MAP2K6: variants seen among roughly 807,000 people sequenced by gnomAD.
MAP2K6 encodes dual specificity mitogen-activated protein kinase kinase 6.
In MAP2K6, 16 loss-of-function variants were observed where a neutral mutation model predicts 53.7. That is an observed-to-expected ratio of 0.30 (90% confidence interval 0.20 to 0.45). MAP2K6 has a LOEUF of 0.45. Ranked by LOEUF, MAP2K6 falls within the 20% of genes least tolerant of loss-of-function variation. MAP2K6 has a pLI of 1.00. For missense variants in MAP2K6, 204 were observed against 411.9 expected (o/e 0.50, Z 4.37); for synonymous variants, 132 against 143.1 (o/e 0.92, Z 0.55).
chr17:69,539,437 C>T (rs1211982770), intron 11 of MAP2K6, among the ~76,000 whole-genome samples: 2 of 152,132 alleles, frequency 1.3e-5, no homozygotes, highest in Non-Finnish European at 2.9e-5. Flanking sequence ...TAATCCATTG[C>T]TTATAGGAGG....
intron 1 of MAP2K6, among the ~76,000 whole-genome samples, chr17:69,474,754 T>C (rs1023784890): frequency 2.6e-5 from 4 of 152,222 alleles, no homozygotes; most frequent in African/African-American, 7.2e-5. Flanking sequence ...CAAGAGCACA[T>C]TGAAACTGAC....
rs759661385 is a variant in MAP2K6, at chr17:69,541,770, T to C, written c.*17T>C. On this transcript the variant is annotated 3_prime_UTR_variant, in exon 12 of 12. Transcript: ENST00000590474. ...GGAGACTAAAAAGCAGTGGACTTAA[T>C]CGGTTGACCCTACTGTGGATTGGTG... 5 of 1,603,156 alleles carry C rather than the reference T, an allele frequency of 3.1e-6. No individual in the cohort carries two copies. In the Admixed American group the frequency reaches 8.4e-5, roughly 27 times the overall value.
At chr17:69,496,235 T>G (rs1321221030) in intron 1 of MAP2K6, among the ~76,000 whole-genome samples, 11 of 152,034 alleles carry the variant, frequency 7.2e-5, no homozygotes, top group Admixed American at 7.2e-4. Context: ...CTTCACCGAT[T>G]CTTCGAAATG....
chr17:69,431,136 T>G (rs1350529013), intron 1 of MAP2K6, among the ~76,000 whole-genome samples: 1 of 152,206 alleles, frequency 6.6e-6, no homozygotes, highest in African/African-American at 2.4e-5. Context: ...AATATTTATC[T>G]TCTTTTTACA....
chr17:69,488,164 C>T (rs749603128), intron 1 of MAP2K6, among the ~76,000 whole-genome samples: 2 of 152,060 alleles, frequency 1.3e-5, no homozygotes, highest in Non-Finnish European at 2.9e-5. Context: ...AGACACTTCT[C>T]AAAAGAAGAC....
At chr17:69,499,586 A>G (rs771263396) in intron 1 of MAP2K6, among the ~76,000 whole-genome samples, 1 of 152,206 alleles carries the variant, frequency 6.6e-6, no homozygotes, top group Non-Finnish European at 1.5e-5. Flanking sequence ...TGTTTTTTGA[A>G]GAGCTCTGTA....
At chr17:69,424,658 G>T (rs1476366392) in intron 1 of MAP2K6, among the ~76,000 whole-genome samples, 1 of 152,206 alleles carries the variant, frequency 6.6e-6, no homozygotes, top group East Asian at 1.9e-4. Context: ...CCAAAGACAT[G>T]GTCGAAGAAT....
intron 1 of MAP2K6, among the ~76,000 whole-genome samples, chr17:69,459,126 T>C (rs1326721514): frequency 6.6e-6 from 1 of 152,234 alleles, no homozygotes; most frequent in East Asian, 1.9e-4. Context: ...AAAGTTTTTA[T>C]ACTTAAAAAC....
chr17:69,516,405 G>T (rs1362883254), intron 2 of MAP2K6, among the ~76,000 whole-genome samples: 3 of 152,178 alleles, frequency 2.0e-5, no homozygotes, highest in Non-Finnish European at 4.4e-5. Flanking sequence ...GCGATGGGGA[G>T]CTACTGTAAG....
intron 1 of MAP2K6, among the ~76,000 whole-genome samples, chr17:69,461,535 G>C (rs1907622583): frequency 6.6e-6 from 1 of 152,178 alleles, no homozygotes; most frequent in Non-Finnish European, 1.5e-5. Context: ...TTGTTTAGGG[G>C]CATGTTTTCC....
chr17:69,428,869 T>G (rs1042525918), intron 1 of MAP2K6, among the ~76,000 whole-genome samples: 1 of 151,350 alleles, frequency 6.6e-6, no homozygotes, highest in African/African-American at 2.4e-5. Flanking sequence ...TTTTTGTTTT[T>G]TTTTTTTTTA....
chr17:69,456,068 C>T (rs1013007417), intron 1 of MAP2K6, among the ~76,000 whole-genome samples: 1 of 152,030 alleles, frequency 6.6e-6, no homozygotes, highest in Non-Finnish European at 1.5e-5. Context: ...ACCATGTTGG[C>T]CAGGCTGGTC....
rs532722769 is a variant in MAP2K6, at chr17:69,527,385, A to G, written c.881+676A>G. Among the ~76,000 whole-genome samples, 200 of 152,304 alleles carry G rather than the reference A, an allele frequency of 1.3e-3. 1 individual carries two copies. The highest frequency in any genetic ancestry group is 4.7e-3 in the African/African-American group (194 of 41,558). On this transcript the variant is annotated intron_variant, in intron 10 of 11. Coordinates refer to ENST00000590474, the MANE Select transcript of MAP2K6 (RefSeq NM_002758.4). ...GCTGAAGTTCTGGGAAGGGAATCCA[A>G]AGGAAGTTGGGGTGGAAAGTGGGAG... is the stretch of plus-strand genomic sequence containing the variant.
chr17:69,518,384 T>G (rs1910285645), intron 4 of MAP2K6, among the ~76,000 whole-genome samples: 1 of 152,188 alleles, frequency 6.6e-6, no homozygotes, highest in East Asian at 1.9e-4. Flanking sequence ...ATTCTATATT[T>G]TGTTGCTTTT....
At chr17:69,515,787 C>T (rs2716209) in intron 2 of MAP2K6, among the ~76,000 whole-genome samples, 1 of 152,014 alleles carries the variant, frequency 6.6e-6, no homozygotes, top group Non-Finnish European at 1.5e-5. Flanking sequence ...GGGCTGGGAG[C>T]AGTCACTTTA....
chr17:69,533,113 G>T (rs186628394), intron 10 of MAP2K6, among the ~76,000 whole-genome samples: 1 of 151,996 alleles, frequency 6.6e-6, no homozygotes, highest in Non-Finnish European at 1.5e-5. Flanking sequence ...ATTTTTAGTA[G>T]AGTCGGGGTT....
chr17:69,537,413 A>G (rs532236674), intron 11 of MAP2K6, among the ~76,000 whole-genome samples: 1 of 152,358 alleles, frequency 6.6e-6, no homozygotes, highest in South Asian at 2.1e-4. Flanking sequence ...GTTATTCATC[A>G]GGCATTAAAT....
chr17:69,549,797 G>T lies in MAP2K6; in HGVS notation c.*8044G>T, dbSNP rs1025634268. 6.6e-6 allele frequency: 1 copy of T among 152,144 alleles called. No homozygotes were observed. The highest frequency in any genetic ancestry group is 1.5e-5 in the Non-Finnish European group (1 of 68,036). 9.4% of individuals were successfully genotyped at this position (152,144 alleles called of 1,614,324 possible). A position where few individuals can be genotyped will look rare whatever the true frequency, so the allele number is the denominator to read the frequency against. Reference sequence around the variant, plus strand: ...GGTCACTATCAATATTTGTGTTGGAGTCTGCAAGATATTTCAACAAAGTAA... The same window carrying T: ...GGTCACTATCAATATTTGTGTTGGATTCTGCAAGATATTTCAACAAAGTAA... On this transcript the variant is annotated 3_prime_UTR_variant, in exon 12 of 12. Coordinates refer to ENST00000590474, the MANE Select transcript of MAP2K6 (RefSeq NM_002758.4).
intron 1 of MAP2K6, among the ~76,000 whole-genome samples, chr17:69,437,802 C>G (rs1001610976): frequency 2.6e-5 from 4 of 152,222 alleles, no homozygotes; most frequent in Non-Finnish European, 5.9e-5. Context: ...TTCACCTATT[C>G]TAGATATTCC....
Sources: gnomAD v4.1 joint callset for allele counts (sites outside exome capture counted in the v4.1 genomes callset) on GRCh38, gnomAD v4.1.1 for gene constraint, MANE v1.5 for transcripts, NCBI Gene and HGNC (gene_info 2026-07-23, HGNC 2026-07-21) for gene names.